Variants in RAI1 observed in about 807,000 individuals in gnomAD.
The protein encoded by RAI1 is retinoic acid-induced protein 1.
In RAI1, 9 loss-of-function variants were observed where a neutral mutation model predicts 123.8. That is an observed-to-expected ratio of 0.07 (90% CI 0.04 to 0.13). RAI1 has a LOEUF of 0.13. RAI1 is among the 10% of genes least tolerant of loss of function. RAI1 has a pLI of 1.00. For missense variants in RAI1, 2,256 were observed against 2,545.8 expected (o/e 0.89, Z 2.45); for synonymous variants, 1,231 against 1,127.3 (o/e 1.09, Z -1.84).
At chr17:17,802,105 C>T (rs144469575) in intron 3 of RAI1, 4 of 471,022 alleles carry the variant, frequency 8.5e-6, no homozygotes, top group Non-Finnish European at 1.8e-5. Context: ...TTGCTTCACT[C>T]TTCCAAGGGC....
chr17:17,808,789 C>T (rs1025130248), intron 4 of RAI1, among the ~76,000 whole-genome samples: 12 of 152,180 alleles, frequency 7.9e-5, no homozygotes, highest in Non-Finnish European at 1.6e-4. Context: ...CCATGATAGG[C>T]ATACAGTAGG....
chr17:17,766,972 G>A (rs1350318049), intron 2 of RAI1, among the ~76,000 whole-genome samples: 1 of 151,690 alleles, frequency 6.6e-6, no homozygotes, highest in Non-Finnish European at 1.5e-5. Context: ...GGAGGTCTCA[G>A]ATGGGAGGGG....
At chr17:17,694,274 G>C (rs1914934673) in intron 1 of RAI1, among the ~76,000 whole-genome samples, 1 of 152,150 alleles carries the variant, frequency 6.6e-6, no homozygotes, top group Admixed American at 6.5e-5. Flanking sequence ...GCAGAGGCTG[G>C]CATCAGGCCT....
intron 2 of RAI1, among the ~76,000 whole-genome samples, chr17:17,787,907 G>A (rs1193639015): frequency 6.6e-6 from 1 of 152,160 alleles, no homozygotes; most frequent in African/African-American, 2.4e-5. Context: ...AGGAGATGGT[G>A]TTGGGGGCTG....
intron 1 of RAI1, among the ~76,000 whole-genome samples, chr17:17,715,758 G>T (rs1915693090): frequency 6.6e-6 from 1 of 152,120 alleles, no homozygotes; most frequent in Non-Finnish European, 1.5e-5. Flanking sequence ...AGTTTCCCCT[G>T]GACTCATTCT....
intron 1 of RAI1, chr17:17,684,664 C>T (rs1307612170): frequency 1.5e-5 from 2 of 137,280 alleles, no homozygotes; most frequent in African/African-American, 5.4e-5. Context: ...TTGTTACTCA[C>T]TTAATGCATA....
At chr17:17,728,825 C>T (rs1916176284) in intron 2 of RAI1, among the ~76,000 whole-genome samples, 1 of 152,202 alleles carries the variant, frequency 6.6e-6, no homozygotes, top group Admixed American at 6.5e-5. Context: ...GGACCCAGTC[C>T]TCTGACCCCG....
chr17:17,791,179 G>A (rs891233513), intron 2 of RAI1, among the ~76,000 whole-genome samples: 3 of 152,342 alleles, frequency 2.0e-5, no homozygotes, highest in Middle Eastern at 3.4e-3. Context: ...TTGTGGGCCA[G>A]GGCAAGCTGA....
chr17:17,725,325 GAA>G (rs1314915679), intron 2 of RAI1, among the ~76,000 whole-genome samples: 1 of 152,162 alleles, frequency 6.6e-6, no homozygotes, highest in Admixed American at 6.5e-5. Context: ...CTTGTGTGAC[GAA>G]GTGTTTGTCT....
chr17:17,770,725 A>G (rs2031123114), intron 2 of RAI1: 1 of 152,226 alleles, frequency 6.6e-6, no homozygotes, highest in Non-Finnish European at 1.5e-5. Context: ...CCAGCAATTT[A>G]TGGGTGCTCA....
At chr17:17,720,323 C>T (rs1041181598) in intron 1 of RAI1, among the ~76,000 whole-genome samples, 3 of 152,194 alleles carry the variant, frequency 2.0e-5, no homozygotes, top group African/African-American at 7.2e-5. Context: ...AAGGACTGGG[C>T]CCTTTAAAAC....
At chr17:17,751,121 C>T (rs950716223) in intron 2 of RAI1, among the ~76,000 whole-genome samples, 6 of 152,208 alleles carry the variant, frequency 3.9e-5, no homozygotes, top group Non-Finnish European at 7.3e-5. Flanking sequence ...CCTTAGCAGC[C>T]CTCCATGCAG....
intron 1 of RAI1, among the ~76,000 whole-genome samples, chr17:17,710,875 G>T (rs957265254): frequency 1.3e-5 from 2 of 152,216 alleles, no homozygotes; most frequent in African/African-American, 4.8e-5. Context: ...CAAGTTCATG[G>T]CATAAGCTAG....
At chr17:17,708,409 T>C (rs59134769) in intron 1 of RAI1, among the ~76,000 whole-genome samples, 1,504 of 133,360 alleles carry the variant, frequency 0.011, 33 homozygotes, top group African/African-American at 0.042. Context: ...CATATATATA[T>C]ATACACACAC....
At chr17:17,788,588 G>A (rs1007114410) in intron 2 of RAI1, among the ~76,000 whole-genome samples, 32 of 152,160 alleles carry the variant, frequency 2.1e-4, no homozygotes, top group African/African-American at 7.0e-4. Flanking sequence ...CAGGCCTTGA[G>A]TGGGTTGGGT....
intron 1 of RAI1, among the ~76,000 whole-genome samples, chr17:17,720,299 C>T (rs1753858803): frequency 1.3e-5 from 2 of 152,226 alleles, no homozygotes; most frequent in Admixed American, 1.3e-4. Context: ...AGAACACAGC[C>T]TCACCTCACC....
intron 2 of RAI1, among the ~76,000 whole-genome samples, chr17:17,757,003 G>A (rs73295678): frequency 0.015 from 2,288 of 152,292 alleles, 70 homozygotes; most frequent in African/African-American, 0.052. Context: ...GCTGAATGCC[G>A]GGCCCTGTGT....
At chr17:17,727,456 C>G (rs1916133010) in intron 2 of RAI1, among the ~76,000 whole-genome samples, 1 of 152,228 alleles carries the variant, frequency 6.6e-6, no homozygotes, top group Non-Finnish European at 1.5e-5. Context: ...CCCAAGCTTA[C>G]CCCTGGTGCC....
intron 2 of RAI1, among the ~76,000 whole-genome samples, chr17:17,724,827 T>C (rs9907986): frequency 0.67 from 101,044 of 151,934 alleles, 34,556 homozygotes; most frequent in African/African-American, 0.79. Context: ...CCTCCCTTCC[T>C]CGGCGGCTTC....
Sources: gnomAD v4.1 joint callset for allele counts (sites outside exome capture counted in the v4.1 genomes callset) on GRCh38, gnomAD v4.1.1 for gene constraint, MANE v1.5 for transcripts, NCBI Gene and HGNC (gene_info 2026-07-23, HGNC 2026-07-21) for gene names.